The following DGKG variants were observed in gnomAD, a reference collection of about 807,000 sequenced individuals.
DGKG encodes the protein DAG kinase gamma.
Under a neutral mutation model 105.3 loss-of-function variants are expected in DGKG, and 78 were observed. That is an observed-to-expected ratio of 0.74 (90% CI 0.62 to 0.89). The LOEUF (loss-of-function observed/expected upper bound fraction) is 0.89. Among genes scored for constraint, DGKG ranks in the 40% least tolerant of loss-of-function variants. The pLI, the probability that DGKG is intolerant of heterozygous loss-of-function variation, is 0.00. For missense variants in DGKG, 958 were observed against 1,020.1 expected, an observed-to-expected ratio of 0.94 and a Z score of 0.83; for synonymous variants, 346 against 367.1, an observed-to-expected ratio of 0.94 and a Z score of 0.66.
At chr3:186,253,272 C>G (rs1186953072) in intron 17 of DGKG, 90 bp from the exon 18 acceptor site, 1 of 1,004,858 alleles carries the variant, frequency 1.0e-6, no homozygotes, top group Non-Finnish European at 1.6e-6. Flanking sequence ...GATGCTTGAA[C>G]CCCTCCATAG....
chr3:186,239,723 G>T (rs776831028), intron 20 of DGKG, among the ~76,000 whole-genome samples: 1 of 152,154 alleles, frequency 6.6e-6, no homozygotes, highest in Non-Finnish European at 1.5e-5. Flanking sequence ...GTGCAAATCC[G>T]TGGGCCTGTC....
chr3:186,156,690 T>C (rs1578599270), intron 24 of DGKG, among the ~76,000 whole-genome samples: 1 of 152,016 alleles, frequency 6.6e-6, no homozygotes, highest in South Asian at 2.1e-4. Context: ...TGGTTAAATC[T>C]TATAGTCATC....
intron 1 of DGKG, among the ~76,000 whole-genome samples, chr3:186,326,240 A>G (rs1241060105): frequency 6.6e-6 from 1 of 152,052 alleles, no homozygotes; most frequent in African/African-American, 2.4e-5. Context: ...AAAAATACAA[A>G]AATTAGCTGG....
chr3:186,211,393 C>T (rs1193251286), intron 21 of DGKG, among the ~76,000 whole-genome samples: 1 of 152,226 alleles, frequency 6.6e-6, no homozygotes, highest in Non-Finnish European at 1.5e-5. Flanking sequence ...ATACTCCCCA[C>T]CCCTGCTGCC....
chr3:186,224,877 T>C (rs1220360320), intron 20 of DGKG, among the ~76,000 whole-genome samples: 1 of 152,112 alleles, frequency 6.6e-6, no homozygotes, highest in Non-Finnish European at 1.5e-5. Context: ...TCATGGTAAG[T>C]CTGTTAGCTG....
chr3:186,216,627 ACAC>A (rs1276337780), intron 20 of DGKG, among the ~76,000 whole-genome samples: 1 of 151,966 alleles, frequency 6.6e-6, no homozygotes, highest in Non-Finnish European at 1.5e-5. Flanking sequence ...CAACACCAGC[ACAC>A]CACCACCACC....
At chr3:186,180,611 G>T (rs1717314678) in intron 22 of DGKG, among the ~76,000 whole-genome samples, 2 of 152,086 alleles carry the variant, frequency 1.3e-5, no homozygotes, top group Non-Finnish European at 2.9e-5. Context: ...CACTATGACT[G>T]TCAAATCTCC....
chr3:186,166,770 G>A (rs1716569364), intron 22 of DGKG, among the ~76,000 whole-genome samples: 2 of 151,814 alleles, frequency 1.3e-5, no homozygotes, highest in African/African-American at 4.8e-5. Context: ...TAGGAGAGAG[G>A]GGGAGAAAAG....
intron 1 of DGKG, among the ~76,000 whole-genome samples, chr3:186,360,290 T>C (rs756935290): frequency 6.6e-6 from 1 of 152,082 alleles, no homozygotes; most frequent in African/African-American, 2.4e-5. Flanking sequence ...AACCACTCCA[T>C]AAAATTCTAA....
chr3:186,292,733 G>A (rs780158715), intron 5 of DGKG, among the ~76,000 whole-genome samples: 12 of 152,044 alleles, frequency 7.9e-5, no homozygotes, highest in East Asian at 1.9e-4. Flanking sequence ...GGCAGAGGTC[G>A]GGAGGCAGAG....
intron 3 of DGKG, among the ~76,000 whole-genome samples, chr3:186,302,536 A>ATG (rs1307342419): frequency 1.7e-4 from 7 of 41,356 alleles, no homozygotes; most frequent in African/African-American, 2.5e-4. Context: ...ATATATACAT[A>ATG]TGTATATATA....
intron 21 of DGKG, among the ~76,000 whole-genome samples, chr3:186,188,812 C>CAT (rs972425749): frequency 7.3e-5 from 11 of 151,506 alleles, no homozygotes; most frequent in South Asian, 2.1e-4. Flanking sequence ...AGAAAATTTT[C>CAT]ATATATATAT....
chr3:186,205,900 A>T (rs962643009), intron 21 of DGKG, among the ~76,000 whole-genome samples: 4 of 152,202 alleles, frequency 2.6e-5, no homozygotes, highest in Non-Finnish European at 4.4e-5. Context: ...TAAAAAAAAA[A>T]TTAAAAAAAT....
Position 186,270,881 on chromosome 3 carries a change from T to C in DGKG, c.999+1374A>G, listed in dbSNP as rs574148748. Among the ~76,000 whole-genome samples, 8 of 152,354 alleles carry C rather than the reference T, an allele frequency of 5.3e-5. No homozygotes were observed. In the East Asian group the frequency reaches 9.6e-4, roughly 18 times the overall value. On this transcript the variant is annotated intron_variant, in intron 11 of 24. Transcript: ENST00000265022. ...GTGAGTGTGCCCTGCTGGCCCCTCA[T>C]TGGCCTCACTCTGTTCTCTGTGTGA...
chr3:186,195,391 G>A (rs1346990318), intron 21 of DGKG, among the ~76,000 whole-genome samples: 1 of 152,088 alleles, frequency 6.6e-6, no homozygotes, highest in Non-Finnish European at 1.5e-5. Flanking sequence ...AAATTTCCTT[G>A]ATAGTATCAT....
At chr3:186,297,068 T>TCTCTCTCTCACACACACACACACACA (rs1452573661) in intron 5 of DGKG, among the ~76,000 whole-genome samples, 1 of 130,420 alleles carries the variant, frequency 7.7e-6, no homozygotes, top group Non-Finnish European at 1.6e-5. Flanking sequence ...TCTGTCTCTC[T>TCTCTCTCTCACACACACACACACACA]CACACACACA....
At chr3:186,252,091 A>T (rs1721256039) in intron 18 of DGKG, among the ~76,000 whole-genome samples, 172 bp from the exon 19 acceptor site, 1 of 152,182 alleles carries the variant, frequency 6.6e-6, no homozygotes, top group Non-Finnish European at 1.5e-5. Flanking sequence ...AGGGCAGGAT[A>T]ACTGAAAGTA....
Position 186,318,385 on chromosome 3 carries a change from G to A in DGKG, c.67+2008C>T, listed in dbSNP as rs112246594. On this transcript the variant is annotated intron_variant, in intron 2 of 24. Coordinates refer to ENST00000265022, the MANE Select transcript of DGKG (RefSeq NM_001346.3). Reference sequence around the variant, plus strand: ...CCCAAACATTCCTTTTGCTTCCATCGTTCCCCTTCCATCTGCTGCTCACAT... The same window carrying A: ...CCCAAACATTCCTTTTGCTTCCATCATTCCCCTTCCATCTGCTGCTCACAT... 9.4e-4 allele frequency among the ~76,000 whole-genome samples: 143 copies of A among 152,164 alleles called. 1 individual carries two copies. Among genetic ancestry groups the A allele is most frequent in the African/African-American group, 3.0e-3 (126 of 41,486 alleles).
chr3:186,261,470 T>A (rs575614634), intron 15 of DGKG, among the ~76,000 whole-genome samples: 35 of 152,306 alleles, frequency 2.3e-4, no homozygotes, highest in African/African-American at 6.7e-4. Flanking sequence ...CTAAGCACCG[T>A]GTCTGTTCTC....
Sources: gnomAD v4.1 joint callset for allele counts (sites outside exome capture counted in the v4.1 genomes callset) on GRCh38, gnomAD v4.1.1 for gene constraint, MANE v1.5 for transcripts, NCBI Gene and HGNC (gene_info 2026-07-23, HGNC 2026-07-21) for gene names.